DAPK1: variants seen among roughly 807,000 people sequenced by gnomAD.
The protein encoded by DAPK1 is death associated protein kinase 1.
A neutral mutation model predicts 144.9 loss-of-function variants in DAPK1; 56 were observed. The ratio of observed to expected loss-of-function variants is 0.39; its 90% CI spans 0.31 to 0.48. The LOEUF is 0.48. Among genes scored for constraint, DAPK1 ranks in the 20% least tolerant of loss-of-function variants. The pLI, the probability that DAPK1 is intolerant of heterozygous loss-of-function variation, is 0.95. For synonymous variants in DAPK1, 690 were observed against 749.0 expected (o/e 0.92, Z 1.29); for missense variants, 1,454 against 1,875.4 (o/e 0.78, Z 4.15).
At chr9:87,698,474 A>G in intron 22 of DAPK1, 182 bp from the exon 23 acceptor site, 2 of 575,974 alleles carry the variant, frequency 3.5e-6, no homozygotes, top group Admixed American at 6.3e-5. Flanking sequence ...GTCGTTGGCC[A>G]TGCTGGGGCC....
intron 2 of DAPK1, among the ~76,000 whole-genome samples, chr9:87,525,042 T>TA (rs1158708705): frequency 6.6e-6 from 1 of 152,080 alleles, no homozygotes; most frequent in African/African-American, 2.4e-5. Flanking sequence ...CCTATGGAGA[T>TA]AAAAAGATTA....
At position 87,706,640 on chromosome 9, in the gene DAPK1, A is replaced by T; in HGVS notation, c.3569A>T (p.His1190Leu). The T allele has an allele frequency of 6.2e-7, 1 of 1,612,780 alleles. No homozygotes were observed. Among genetic ancestry groups the T allele is most frequent in the Non-Finnish European group, 8.5e-7 (1 of 1,179,644 alleles). Residue 1190 changes from histidine (H) to leucine (L), a missense_variant, in exon 26 of 26, where the codon CAC (histidine) becomes CTC (leucine). Physicochemically the swap from His to Leu is moderately conservative, Grantham distance 99. Around this residue, in one of 2 missense-constraint regions of DAPK1, gnomAD observed 1,025 missense variants for 1,237.9 expected, o/e 0.83. Coordinates refer to ENST00000408954, the MANE Select transcript of DAPK1 (RefSeq NM_004938.4). This position sits in a 1 kb window ranked among gnomAD's most constrained non-coding sequence, Gnocchi z 9.0. Reference protein sequence around the residue: ...GAELLVLLVNHGQGIEVQVRG... With the variant: ...GAELLVLLVNLGQGIEVQVRG... ...GAGCTGCTGGTGCTGCTGGTCAACCACGGCCAGGGCATTGAGGTCCAGGTC... is the reference window on the plus strand; with the variant it reads ...GAGCTGCTGGTGCTGCTGGTCAACCTCGGCCAGGGCATTGAGGTCCAGGTC...
rs549284190 is a variant in DAPK1 at position 87,605,258 on chromosome 9, C to T, written c.284+83C>T. 31 of 1,147,248 alleles carry T rather than the reference C, an allele frequency of 2.7e-5. No individual in the cohort carries two copies. The Admixed American group carries it at 4.0e-4, about 15-fold the overall frequency. The allele number at this position is 1,147,248 out of a possible 1,614,324, so 71.1% of individuals were successfully genotyped here. A position where few individuals can be genotyped will look rare whatever the true frequency, so the allele number is the denominator to read the frequency against. On this transcript the variant is annotated intron_variant, in intron 3 of 25. Coordinates refer to ENST00000408954, the MANE Select transcript of DAPK1 (RefSeq NM_004938.4). ...TCGTTCCAGCTGGACCACGCCACAG[C>T]GAGCCCGAGAGAGGGATCAGGAATT...
At chr9:87,569,440 G>A (rs1383517348) in intron 2 of DAPK1, among the ~76,000 whole-genome samples, 1 of 152,158 alleles carries the variant, frequency 6.6e-6, no homozygotes, top group Admixed American at 6.5e-5. Context: ...CATCGCAGGT[G>A]CCCATATAGA....
At position 87,530,421 on chromosome 9, in the gene DAPK1, G is replaced by A. The variant is rs940938447; in HGVS notation, c.62+31282G>A. ...TAATTTCAAGTCTGTTTTGTAAGGG[G>A]AATTTATATTAAGCACATTAACAAC... is the stretch of plus-strand genomic sequence containing the variant. On this transcript the variant is annotated intron_variant, in intron 2 of 25. Coordinates refer to ENST00000408954, the MANE Select transcript of DAPK1 (RefSeq NM_004938.4). 1.9e-4 allele frequency among the ~76,000 whole-genome samples: 29 copies of A among 152,270 alleles called. 1 individual carries two copies. Among genetic ancestry groups the A allele is most frequent in the South Asian group, 6.2e-4 (3 of 4,824 alleles).
intron 25 of DAPK1, 40 bp downstream of exon 25, chr9:87,703,257 G>T (rs577813639): frequency 8.1e-7 from 1 of 1,227,036 alleles, no homozygotes. Context: ...CGTGAGAGGT[G>T]CCAGGGACTC....
Position 87,499,299 on chromosome 9 carries a change from C to A in DAPK1, c.62+160C>A, listed in dbSNP as rs111956240. ...AAGAGTTACTAACCCAGCGGTAAAC[C>A]GCCTGATCCAAGGGCCTGGGGGTGG... On this transcript the variant is annotated intron_variant, in intron 2 of 25. Coordinates refer to ENST00000408954, the MANE Select transcript of DAPK1 (RefSeq NM_004938.4). 602 of 675,292 alleles carry A rather than the reference C, an allele frequency of 8.9e-4. 2 individuals carry two copies. The highest frequency in any genetic ancestry group is 6.0e-3 in the African/African-American group (333 of 55,964). The allele number at this position is 675,292 out of a possible 1,614,324, so 41.8% of individuals were successfully genotyped here.
chr9:87,611,819 C>T (rs754505334), intron 3 of DAPK1, among the ~76,000 whole-genome samples: 13 of 152,088 alleles, frequency 8.5e-5, no homozygotes, highest in Admixed American at 1.3e-4. Context: ...AACAGATTCC[C>T]GGGTGATGCG....
intron 17 of DAPK1, among the ~76,000 whole-genome samples, chr9:87,653,384 T>C (rs968843657): frequency 3.9e-5 from 6 of 152,268 alleles, no homozygotes; most frequent in African/African-American, 1.2e-4. Flanking sequence ...TTATAGCGTT[T>C]TGCCATCTTA....
At position 87,671,007 on chromosome 9, in the gene DAPK1, AGT is replaced by A. The variant is rs550554000; in HGVS notation, c.2001+2335_2001+2336del. Among the ~76,000 whole-genome samples, 468 of 152,336 alleles carry A rather than the reference AGT, an allele frequency of 3.1e-3. 2 individuals are homozygous for A. Among genetic ancestry groups the A allele is most frequent in the African/African-American group, 9.8e-3 (409 of 41,578 alleles). On this transcript the variant is annotated intron_variant, in intron 19 of 25. Transcript: ENST00000408954. Reference sequence around the variant, plus strand: ...CCACTGTTTGGACGAGTCTGAAAACAGTGAAGGAATGCTCAGAAAAAGGACCG... The same window carrying A: ...CCACTGTTTGGACGAGTCTGAAAACAGAAGGAATGCTCAGAAAAAGGACCG...
At chr9:87,530,696 C>T (rs1331066042) in intron 2 of DAPK1, among the ~76,000 whole-genome samples, 1 of 152,158 alleles carries the variant, frequency 6.6e-6, no homozygotes. Flanking sequence ...GGAATTCTGA[C>T]ATTATGGGAC....
At chr9:87,615,330 G>A (rs747070538) in intron 3 of DAPK1, among the ~76,000 whole-genome samples, 6 of 152,182 alleles carry the variant, frequency 3.9e-5, no homozygotes, top group African/African-American at 1.2e-4. Flanking sequence ...GGGATCCAGC[G>A]GGACCGCTGG....
intron 15 of DAPK1, among the ~76,000 whole-genome samples, chr9:87,649,145 T>G (rs1247822068): frequency 1.3e-5 from 2 of 152,176 alleles, no homozygotes; most frequent in East Asian, 3.9e-4. Context: ...CTGTTATCAT[T>G]CTCATTTTAG....
At position 87,564,591 on chromosome 9, in the gene DAPK1, G is replaced by C. The variant is rs1043876394; in HGVS notation, c.63-40363G>C. Among the ~76,000 whole-genome samples, 3 of 151,044 alleles carry C rather than the reference G, an allele frequency of 2.0e-5. No individual in the cohort carries two copies. The East Asian group carries it at 5.8e-4, about 29-fold the overall frequency. On this transcript the variant is annotated intron_variant, in intron 2 of 25. Transcript: ENST00000408954. ...GCAAGAGGGATGGGGAGGGAGGGAG[G>C]GGGAGAGAGAGAGAGAGAGGAGGAA... is the stretch of plus-strand genomic sequence containing the variant.
intron 2 of DAPK1, among the ~76,000 whole-genome samples, chr9:87,584,801 T>C (rs112578489): frequency 0.1 from 15,571 of 152,118 alleles, 1,465 homozygotes; most frequent in African/African-American, 0.25. Context: ...CTCAGCCTCC[T>C]GAGTGGCTAG....
chr9:87,559,633 C>G (rs1300157052), intron 2 of DAPK1, among the ~76,000 whole-genome samples: 1 of 152,112 alleles, frequency 6.6e-6, no homozygotes, highest in East Asian at 1.9e-4. Flanking sequence ...ACTGTTTGAT[C>G]ATTGATTGAT....
intron 2 of DAPK1, among the ~76,000 whole-genome samples, chr9:87,564,883 T>C (rs1827060629): frequency 6.6e-6 from 1 of 152,206 alleles, no homozygotes; most frequent in Non-Finnish European, 1.5e-5. Context: ...CTGGCTATTC[T>C]GATTCCAACT....
At chr9:87,557,286 A>AG (rs1826752672) in intron 2 of DAPK1, among the ~76,000 whole-genome samples, 1 of 152,158 alleles carries the variant, frequency 6.6e-6, no homozygotes, top group Non-Finnish European at 1.5e-5. Flanking sequence ...GGAAACCCAC[A>AG]TCTTCATTTC....
At chr9:87,620,326 G>T (rs568169160) in intron 3 of DAPK1, among the ~76,000 whole-genome samples, 1 of 152,162 alleles carries the variant, frequency 6.6e-6, no homozygotes, top group Admixed American at 6.5e-5. Flanking sequence ...CTTTTCCATC[G>T]CTTCCTCCTC....
Sources: allele counts gnomAD v4.1 joint callset (sites outside exome capture counted in the v4.1 genomes callset), GRCh38; gene constraint gnomAD v4.1.1; regional missense constraint gnomAD v4.1.1; non-coding constraint Gnocchi (gnomAD v3.1); transcripts MANE v1.5; gene names NCBI Gene and HGNC (gene_info 2026-07-23, HGNC 2026-07-21).